DTD1: variants seen among roughly 807,000 people sequenced by gnomAD.
The protein encoded by DTD1 is D-tyrosyl-tRNA deacylase 1 homolog.
Under a neutral mutation model 25.6 loss-of-function variants are expected in DTD1, and 13 were observed. That is an observed-to-expected ratio of 0.51 (90% CI 0.33 to 0.81). The LOEUF (loss-of-function observed/expected upper bound fraction) is 0.81, where lower values mean the gene tolerates loss of function less well. DTD1 is among the 30% of genes least tolerant of loss of function. DTD1 has a pLI of 0.02. For missense variants in DTD1, 193 were observed against 266.4 expected, an observed-to-expected ratio of 0.72 and a Z score of 1.92; for synonymous variants, 110 against 103.6, an observed-to-expected ratio of 1.06 and a Z score of -0.37.
chr20:18,651,373 A>G (rs940360915), intron 4 of DTD1, among the ~76,000 whole-genome samples: 2 of 151,274 alleles, frequency 1.3e-5, no homozygotes, highest in African/African-American at 4.9e-5. Flanking sequence ...CTGGTCTTGA[A>G]CTCCCGACCT....
intron 4 of DTD1, among the ~76,000 whole-genome samples, chr20:18,651,915 C>T (rs1292477726): frequency 6.6e-6 from 1 of 152,130 alleles, no homozygotes; most frequent in Non-Finnish European, 1.5e-5. Flanking sequence ...TCAAACCAGC[C>T]CACTTATTTA....
At chr20:18,734,535 G>C (rs1303000415) in intron 4 of DTD1, among the ~76,000 whole-genome samples, 1 of 152,200 alleles carries the variant, frequency 6.6e-6, no homozygotes, top group Non-Finnish European at 1.5e-5. Flanking sequence ...GGACAGTAGT[G>C]GTGGAAAGTT....
chr20:18,595,714 G>A (rs1293254520), intron 2 of DTD1, among the ~76,000 whole-genome samples: 1 of 152,190 alleles, frequency 6.6e-6, no homozygotes, highest in Admixed American at 6.5e-5. Context: ...ATAGGTGGTT[G>A]TCATCTTAGC....
intron 3 of DTD1, among the ~76,000 whole-genome samples, chr20:18,614,640 T>C (rs372392605): frequency 1.3e-5 from 2 of 152,230 alleles, no homozygotes; most frequent in African/African-American, 4.8e-5. Flanking sequence ...CTTCTATGTT[T>C]GTTAGCGGCA....
chr20:18,670,723 G>A (rs1194866098), intron 4 of DTD1, among the ~76,000 whole-genome samples: 2 of 152,190 alleles, frequency 1.3e-5, no homozygotes, highest in Admixed American at 6.5e-5. Context: ...ATCCAATCTT[G>A]TCGTTCTTCA....
chr20:18,723,932 TC>T (rs2061214386), intron 4 of DTD1, among the ~76,000 whole-genome samples: 1 of 152,212 alleles, frequency 6.6e-6, no homozygotes, highest in Admixed American at 6.5e-5. Context: ...TTCAGACTCC[TC>T]CTGTTTTCCA....
chr20:18,743,971 C>G (rs1191744867), intron 4 of DTD1, 129 bp from the exon 5 acceptor site: 1 of 916,058 alleles, frequency 1.1e-6, no homozygotes, highest in Non-Finnish European at 1.6e-6. Context: ...ATATCTGAAC[C>G]ACTGTGCTCT....
chr20:18,681,551 C>T (rs753666657), intron 4 of DTD1, among the ~76,000 whole-genome samples: 4 of 152,072 alleles, frequency 2.6e-5, no homozygotes, highest in Non-Finnish European at 4.4e-5. Context: ...TGGAGAAGAA[C>T]AAGGACAGGA....
At chr20:18,632,366 G>A in intron 4 of DTD1, 1 of 985,412 alleles carries the variant, frequency 1.0e-6, no homozygotes, top group Non-Finnish European at 1.2e-6. Flanking sequence ...ACATTGCACT[G>A]CGCTCTGCCC....
intron 4 of DTD1, chr20:18,698,407 A>T (rs1398513669): frequency 6.6e-6 from 1 of 152,134 alleles, no homozygotes; most frequent in Non-Finnish European, 1.5e-5. Context: ...ATATTCAGTG[A>T]TTTATTTTTT....
At chr20:18,746,022 A>G (rs137988163) in intron 5 of DTD1, among the ~76,000 whole-genome samples, 133 of 151,844 alleles carry the variant, frequency 8.8e-4, no homozygotes, top group African/African-American at 3.1e-3. Flanking sequence ...AAGGAAATAG[A>G]ATCATTTCAA....
At chr20:18,632,341 A>G (rs572876917) in intron 4 of DTD1, 48 of 985,418 alleles carry the variant, frequency 4.9e-5, no homozygotes, top group Middle Eastern at 1.0e-3. Context: ...GGCCCCCAGA[A>G]GCCTCAGACC....
intron 4 of DTD1, among the ~76,000 whole-genome samples, chr20:18,637,144 AC>A (rs1284570473): frequency 3.3e-5 from 5 of 151,790 alleles, no homozygotes; most frequent in Non-Finnish European, 5.9e-5. Flanking sequence ...TCCCTTCCTC[AC>A]CCCCAACTGT....
intron 3 of DTD1, among the ~76,000 whole-genome samples, chr20:18,621,559 CT>C (rs61566581): frequency 0.029 from 4,456 of 151,914 alleles, 112 homozygotes; most frequent in African/African-American, 0.05. Flanking sequence ...ATCAATCCAT[CT>C]TTTTTTTGAA....
chr20:18,690,385 A>G (rs1429416701), intron 4 of DTD1, among the ~76,000 whole-genome samples: 1 of 152,060 alleles, frequency 6.6e-6, no homozygotes, highest in Non-Finnish European at 1.5e-5. Flanking sequence ...TTTTGCTGCA[A>G]TTGCATTTGG....
intron 4 of DTD1, among the ~76,000 whole-genome samples, chr20:18,701,584 A>G (rs2061105104): frequency 6.6e-6 from 1 of 152,198 alleles, no homozygotes. Flanking sequence ...CCTTGGTTCT[A>G]TTGCACTATG....
chr20:18,633,397 C>G (rs571231903), intron 4 of DTD1, among the ~76,000 whole-genome samples: 2 of 152,208 alleles, frequency 1.3e-5, no homozygotes, highest in African/African-American at 2.4e-5. Flanking sequence ...GCCCCTTCGG[C>G]TACTCTACTC....
At chr20:18,718,653 A>G (rs2061190971) in intron 4 of DTD1, among the ~76,000 whole-genome samples, 2 of 152,228 alleles carry the variant, frequency 1.3e-5, no homozygotes, top group South Asian at 4.1e-4. Context: ...TATTACAAAT[A>G]CTTCAGTTTT....
At chr20:18,668,639 C>T (rs2060940808) in intron 4 of DTD1, among the ~76,000 whole-genome samples, 1 of 152,092 alleles carries the variant, frequency 6.6e-6, no homozygotes, top group South Asian at 2.1e-4. Context: ...GAGACTGAGC[C>T]CCCGAGTCAT....
Sources: gnomAD v4.1 joint callset for allele counts (sites outside exome capture counted in the v4.1 genomes callset) on GRCh38, gnomAD v4.1.1 for gene constraint, MANE v1.5 for transcripts, NCBI Gene and HGNC (gene_info 2026-07-23, HGNC 2026-07-21) for gene names.